DPP6: variants seen among roughly 807,000 people sequenced by gnomAD.
DPP6 encodes dipeptidyl peptidase like 6.
DPP6 carries 69 observed loss-of-function variants against 122.6 expected under a neutral mutation model. The ratio of observed to expected loss-of-function variants is 0.56; its 90% CI spans 0.46 to 0.69. DPP6 has a LOEUF of 0.69. Among genes scored for constraint, DPP6 ranks in the 30% least tolerant of loss-of-function variants. DPP6 has a pLI of 0.00. For missense variants in DPP6, 928 were observed against 1,116.9 expected, an observed-to-expected ratio of 0.83 and a Z score of 2.41; for synonymous variants, 418 against 433.1, an observed-to-expected ratio of 0.97 and a Z score of 0.43.
Position 154,435,263 on chromosome 7 carries a change from G to A in DPP6, c.244-10951G>A, listed in dbSNP as rs1346288063. Among the ~76,000 whole-genome samples, 4 of 152,070 alleles carry A rather than the reference G, an allele frequency of 2.6e-5. No homozygotes were observed. In the East Asian group the frequency reaches 7.8e-4, roughly 29 times the overall value. ...GAGAGAACAAGGAGAAGGAGGACGAGAGAGAAAGAAAGAGGGAGGAATGGG... is the reference window on the plus strand; with the variant it reads ...GAGAGAACAAGGAGAAGGAGGACGAAAGAGAAAGAAAGAGGGAGGAATGGG... On this transcript the variant is annotated intron_variant, in intron 1 of 25. Coordinates refer to ENST00000377770, the MANE Select transcript of DPP6 (RefSeq NM_130797.4).
chr7:154,868,193 C>T, intron 18 of DPP6, 100 bp downstream of exon 18: 1 of 1,444,672 alleles, frequency 6.9e-7, no homozygotes, highest in Admixed American at 2.3e-5. Flanking sequence ...AAGGAAGACT[C>T]CCCAAGCACG....
intron 2 of DPP6, among the ~76,000 whole-genome samples, chr7:154,468,826 A>G (rs957021147): frequency 5.9e-5 from 9 of 152,216 alleles, no homozygotes; most frequent in South Asian, 2.1e-4. Context: ...TTCTTAGACT[A>G]TTTGAAGACA....
chr7:154,106,637 G>T (rs938057211), intron 1 of DPP6, among the ~76,000 whole-genome samples: 34 of 151,470 alleles, frequency 2.2e-4, no homozygotes, highest in Admixed American at 2.0e-3. Context: ...GCACGTGGGT[G>T]AAGGAGGTCT....
chr7:154,285,023 G>A (rs1804762802), intron 1 of DPP6, among the ~76,000 whole-genome samples: 1 of 151,982 alleles, frequency 6.6e-6, no homozygotes, highest in South Asian at 2.1e-4. Flanking sequence ...AAATAGACAT[G>A]TATTGCTTAA....
chr7:154,649,069 CT>C (rs1220790319), intron 6 of DPP6, among the ~76,000 whole-genome samples: 5 of 152,192 alleles, frequency 3.3e-5, no homozygotes, highest in African/African-American at 9.7e-5. Flanking sequence ...CAGGCGAGCG[CT>C]GCCATGCCAT....
chr7:154,437,769 C>G (rs1378125480), intron 1 of DPP6, among the ~76,000 whole-genome samples: 3 of 152,122 alleles, frequency 2.0e-5, no homozygotes, highest in Non-Finnish European at 4.4e-5. Flanking sequence ...AACCCAGTCT[C>G]TGCTAAAAAT....
intron 3 of DPP6, among the ~76,000 whole-genome samples, chr7:154,535,097 T>G (rs529769799): frequency 0.017 from 2,508 of 149,312 alleles, 30 homozygotes; most frequent in South Asian, 0.027. Flanking sequence ...CAAAAAAAAA[T>G]GCTGAAGTAA....
intron 1 of DPP6, among the ~76,000 whole-genome samples, chr7:154,414,732 A>T (rs1816876167): frequency 6.6e-6 from 1 of 152,142 alleles, no homozygotes; most frequent in Admixed American, 6.5e-5. Flanking sequence ...ATAGGGCTGG[A>T]TAGGGCTGGA....
intron 16 of DPP6, among the ~76,000 whole-genome samples, chr7:154,840,386 C>T (rs751571686): frequency 6.6e-6 from 1 of 152,200 alleles, no homozygotes; most frequent in Non-Finnish European, 1.5e-5. Flanking sequence ...CTGAGGAATC[C>T]ACAGGAAGCG....
chr7:154,415,044 A>G lies in DPP6; in HGVS notation c.244-31170A>G, dbSNP rs370025888. On this transcript the variant is annotated intron_variant, in intron 1 of 25. Coordinates refer to ENST00000377770, the MANE Select transcript of DPP6 (RefSeq NM_130797.4). ...CCACTGCAGGGCCTTTGTCCATACC[A>G]ACAAAGCTCACCCTGGCCCATCTCT... Among the ~76,000 whole-genome samples the G allele has an allele frequency of 7.9e-5, 12 of 152,236 alleles. No homozygotes were observed. In the East Asian group the frequency reaches 1.4e-3, roughly 17 times the overall value.
chr7:154,219,617 C>T (rs557294883), intron 1 of DPP6, among the ~76,000 whole-genome samples: 31 of 151,624 alleles, frequency 2.0e-4, no homozygotes, highest in African/African-American at 6.1e-4. Context: ...CTCCCACTAT[C>T]GTTCTGTTGC....
At position 154,174,299 on chromosome 7, in the gene DPP6, G is replaced by A. The variant is rs561850665; in HGVS notation, c.243+121236G>A. ...CGTGGTTGGGGAGAAGTAGATACAC[G>A]GATTCATTACAGTGCATGGCACATT... On this transcript the variant is annotated intron_variant, in intron 1 of 25. Transcript: ENST00000377770. Among the ~76,000 whole-genome samples the A allele has an allele frequency of 9.7e-4, 148 of 152,276 alleles. 1 individual carries two copies. Among genetic ancestry groups the A allele is most frequent in the Non-Finnish European group, 1.1e-3 (72 of 68,028 alleles).
At chr7:153,947,341 C>T (rs905756358) in intron 1 of DPP6, among the ~76,000 whole-genome samples, 6 of 152,014 alleles carry the variant, frequency 3.9e-5, no homozygotes, top group African/African-American at 9.7e-5. Context: ...TCCAGGGCTG[C>T]GAGGGAGGGT....
intron 3 of DPP6, among the ~76,000 whole-genome samples, chr7:154,501,235 G>A (rs1825215889): frequency 6.9e-6 from 1 of 145,800 alleles, no homozygotes; most frequent in Non-Finnish European, 1.5e-5. Context: ...ACAATTTGCA[G>A]TCTGACAACA....
rs1563226083 is a variant in DPP6 at position 154,127,654 on chromosome 7, C to CACACAG, written c.243+74596_243+74597insGACACA. ...ACACAGACACACACACACACACAGA[C>CACACAG]ACACACACACACACACACACACAAA... On this transcript the variant is annotated intron_variant, in intron 1 of 25. Coordinates refer to ENST00000377770, the MANE Select transcript of DPP6 (RefSeq NM_130797.4). 9.1e-3 allele frequency among the ~76,000 whole-genome samples: 1,284 copies of CACACAG among 140,520 alleles called. 17 individuals carry two copies. The highest frequency in any genetic ancestry group is 0.032 in the African/African-American group (1,199 of 37,310). The allele number at this position is 140,520 out of a possible 152,430, so 92.2% of individuals were successfully genotyped here. A position where few individuals can be genotyped will look rare whatever the true frequency, so the allele number is the denominator to read the frequency against.
At chr7:154,376,450 C>T (rs1813138673) in intron 1 of DPP6, among the ~76,000 whole-genome samples, 1 of 152,170 alleles carries the variant, frequency 6.6e-6, no homozygotes, top group Admixed American at 6.5e-5. Flanking sequence ...GTCTCTCAGT[C>T]ATCGTGTGGG....
At chr7:154,645,248 G>C (rs1023039953) in intron 6 of DPP6, among the ~76,000 whole-genome samples, 22 of 151,424 alleles carry the variant, frequency 1.5e-4, no homozygotes, top group African/African-American at 5.1e-4. Context: ...TGTATTTTTA[G>C]TAGAGACGGG....
At chr7:154,138,938 C>T (rs1190870852) in intron 1 of DPP6, among the ~76,000 whole-genome samples, 2 of 152,084 alleles carry the variant, frequency 1.3e-5, no homozygotes, top group East Asian at 1.9e-4. Flanking sequence ...AACACCCATA[C>T]CCTAAACACC....
intron 1 of DPP6, among the ~76,000 whole-genome samples, chr7:154,087,211 C>T (rs1222545568): frequency 1.3e-5 from 2 of 151,988 alleles, no homozygotes; most frequent in African/African-American, 4.8e-5. Context: ...GACAGAATGC[C>T]CACTTGGCTG....
Sources: gnomAD v4.1 joint callset for allele counts (sites outside exome capture counted in the v4.1 genomes callset) on GRCh38, gnomAD v4.1.1 for gene constraint, MANE v1.5 for transcripts, NCBI Gene and HGNC (gene_info 2026-07-23, HGNC 2026-07-21) for gene names.